The following DNAJC13 variants were observed in gnomAD, a reference collection of about 807,000 sequenced individuals.
DNAJC13 encodes the protein DnaJ heat shock protein family (Hsp40) member C13.
DNAJC13 carries 75 observed loss-of-function variants against 290.5 expected under a neutral mutation model. That is an observed-to-expected ratio of 0.26 (90% CI 0.21 to 0.31). The LOEUF (loss-of-function observed/expected upper bound fraction) is 0.31. Among genes scored for constraint, DNAJC13 ranks in the 10% least tolerant of loss-of-function variants. The probability of loss-of-function intolerance (pLI) is 1.00; values close to 1 mark genes in which losing one functional copy is unlikely to be tolerated. For missense variants in DNAJC13, 2,260 were observed against 2,674.5 expected, an observed-to-expected ratio of 0.85 and a Z score of 3.42; for synonymous variants, 862 against 892.0, an observed-to-expected ratio of 0.97 and a Z score of 0.60.
chr3:132,467,253 A>C lies in DNAJC13; in HGVS notation c.2148A>C (p.Lys716Asn), dbSNP rs1420548530. Residue 716 changes from lysine to asparagine, a missense_variant, in exon 20 of 56, where the codon AAA becomes AAC. Around this residue, in one of 3 missense-constraint regions of DNAJC13, gnomAD observed 762 missense variants for 964.1 expected, o/e 0.79. Coordinates refer to ENST00000260818, the MANE Select transcript of DNAJC13 (RefSeq NM_015268.4). ...CTAAAGAAGTTGAAAAATTTGCCAAAGAAAAAGTGGATCTTGTATTGATGC... is the reference window on the plus strand; with the variant it reads ...CTAAAGAAGTTGAAAAATTTGCCAACGAAAAAGTGGATCTTGTATTGATGC... ...KAAKEVEKFA[K>N]EKVDLVLMHW... 3.7e-6 allele frequency: 6 copies of C among 1,613,974 alleles called. No homozygotes were observed. The highest frequency in any genetic ancestry group is 5.1e-6 in the Non-Finnish European group (6 of 1,179,990).
chr3:132,464,249 A>G (rs1024803014), intron 17 of DNAJC13, among the ~76,000 whole-genome samples: 1 of 152,184 alleles, frequency 6.6e-6, no homozygotes, highest in African/African-American at 2.4e-5. Context: ...AAAACCTTAC[A>G]TATCCAGCCT....
At chr3:132,528,598 C>T (rs1936328300) in intron 54 of DNAJC13, among the ~76,000 whole-genome samples, 1 of 152,210 alleles carries the variant, frequency 6.6e-6, no homozygotes, top group Admixed American at 6.5e-5. Flanking sequence ...AAATCTTTAG[C>T]ATGGAATATG....
At chr3:132,471,288 G>C (rs1300172074) in intron 20 of DNAJC13, among the ~76,000 whole-genome samples, 5 of 143,480 alleles carry the variant, frequency 3.5e-5, no homozygotes, top group African/African-American at 1.3e-4. Context: ...TGGCCGGTCG[G>C]GGGGGCTGAC....
chr3:132,484,712 A>G (rs1311915310), intron 29 of DNAJC13, 40 bp downstream of exon 29: 1 of 1,533,488 alleles, frequency 6.5e-7, no homozygotes. Context: ...TTTAAGAATC[A>G]TTTTCTCTGA....
intron 14 of DNAJC13, 40 bp from the exon 15 acceptor site, chr3:132,461,010 A>G: frequency 6.4e-7 from 1 of 1,574,442 alleles, no homozygotes. Flanking sequence ...GAAGGTCCCC[A>G]TCTCTTAAGT....
chr3:132,474,814 T>TTCTCCC, intron 21 of DNAJC13, 118 bp from the exon 22 acceptor site: 1 of 66,572 alleles, frequency 1.5e-5, no homozygotes, highest in Non-Finnish European at 2.6e-5. Flanking sequence ...TAAAATCTAT[T>TTCTCCC]CCCCCCCCCC....
At position 132,478,011 on chromosome 3, in the gene DNAJC13, C is replaced by A; in HGVS notation, c.2580C>A (p.Arg860=). 6.2e-7 allele frequency: 1 copy of A among 1,610,756 alleles called. No homozygotes were observed. Among genetic ancestry groups the A allele is most frequent in the Non-Finnish European group, 8.5e-7 (1 of 1,179,226 alleles). The change falls in exon 24 of 56, where the codon CGC becomes CGA. Residue 860 remains arginine (R), a synonymous_variant. Transcript: ENST00000260818. Reference sequence around the variant, plus strand: ...AATTTTTCAATGAGCTTTATCATCGCTTCTTGCTCACCCCAAAAGTAAACA... The same window carrying A: ...AATTTTTCAATGAGCTTTATCATCGATTCTTGCTCACCCCAAAAGTAAACA... ...SYEFFNELYH[R]FLLTPKVNMK...
chr3:132,492,273 T>C (rs1430679854), intron 32 of DNAJC13, 141 bp from the exon 33 acceptor site: 3 of 923,926 alleles, frequency 3.2e-6, no homozygotes, highest in Admixed American at 4.7e-5. Context: ...CAAAGTACCA[T>C]ATTTAAAAGC....
chr3:132,455,696 A>C (rs752766069), intron 9 of DNAJC13, among the ~76,000 whole-genome samples: 1 of 152,240 alleles, frequency 6.6e-6, no homozygotes, highest in Non-Finnish European at 1.5e-5. Context: ...ATGAATCTCA[A>C]AAGCCTATGT....
intron 36 of DNAJC13, among the ~76,000 whole-genome samples, chr3:132,497,614 T>C (rs1252289515): frequency 6.6e-6 from 1 of 152,236 alleles, no homozygotes; most frequent in Non-Finnish European, 1.5e-5. Flanking sequence ...ACATTTTAGA[T>C]ATATGGCTTT....
At chr3:132,498,989 TACAGGCATGAGCC>T (rs1205141442) in intron 36 of DNAJC13, 124 bp from the exon 37 acceptor site, 1 of 722,208 alleles carries the variant, frequency 1.4e-6, no homozygotes, top group South Asian at 2.0e-5. Context: ...GTGCTGGGAT[TACAGGCATGAGCC>T]ACCATGCCTG....
chr3:132,431,332 A>G (rs1053836091), intron 1 of DNAJC13, among the ~76,000 whole-genome samples: 5 of 152,156 alleles, frequency 3.3e-5, no homozygotes, highest in South Asian at 2.1e-4. Flanking sequence ...GCTATGGGGG[A>G]AAAACAAGAG....
intron 31 of DNAJC13, among the ~76,000 whole-genome samples, chr3:132,490,532 C>A (rs1373359555): frequency 1.3e-5 from 2 of 152,168 alleles, no homozygotes; most frequent in Non-Finnish European, 2.9e-5. Context: ...CTACAGCCAA[C>A]AATATAATGC....
At chr3:132,472,200 C>T (rs995730016) in intron 20 of DNAJC13, among the ~76,000 whole-genome samples, 5 of 151,872 alleles carry the variant, frequency 3.3e-5, no homozygotes, top group African/African-American at 4.8e-5. Context: ...AGTCCAGCTT[C>T]GGCTCCGCAT....
chr3:132,491,481 G>A lies in DNAJC13; in HGVS notation c.3623+430G>A, dbSNP rs375746377. Among the ~76,000 whole-genome samples the A allele has an allele frequency of 1.8e-4, 28 of 152,058 alleles. No homozygotes were observed. In the South Asian group the frequency reaches 4.8e-3, roughly 26 times the overall value. On this transcript the variant is annotated intron_variant, in intron 32 of 55. Coordinates refer to ENST00000260818, the MANE Select transcript of DNAJC13 (RefSeq NM_015268.4). The stretch of plus-strand genomic sequence containing the variant: ...TCGATGAATCAGAACAGAGATACCC[G>A]AAATTATTCTAGAATGTGGGCTCCC...
intron 27 of DNAJC13, among the ~76,000 whole-genome samples, chr3:132,482,790 T>A (rs1327779501): frequency 6.6e-6 from 1 of 151,648 alleles, no homozygotes; most frequent in African/African-American, 2.4e-5. Flanking sequence ...GTCCAGGAGG[T>A]TGAGACTGCA....
intron 36 of DNAJC13, among the ~76,000 whole-genome samples, chr3:132,498,446 G>A (rs578037919): frequency 3.3e-5 from 5 of 152,114 alleles, no homozygotes; most frequent in South Asian, 4.2e-4. Flanking sequence ...TGTACCTTGC[G>A]TTCTGTGATG....
In DNAJC13 at chr3:132,503,822, C is replaced by T. The variant is rs571423975; in HGVS notation, c.4884+441C>T. On this transcript the variant is annotated intron_variant, in intron 41 of 55. Transcript: ENST00000260818. ...ACATGTATATGTATCTATGTACATA[C>T]ATAGATGCATTACAAAAATCAGTAT... 2.6e-5 allele frequency among the ~76,000 whole-genome samples: 4 copies of T among 152,168 alleles called. No individual in the cohort carries two copies. The South Asian group carries it at 6.2e-4, about 24-fold the overall frequency.
intron 55 of DNAJC13, among the ~76,000 whole-genome samples, chr3:132,534,839 G>A (rs767330303): frequency 2.6e-5 from 4 of 152,182 alleles, no homozygotes; most frequent in African/African-American, 4.8e-5. Flanking sequence ...CATTGCTTGA[G>A]TTGCCAAATG....
Sources: gnomAD v4.1 joint callset for allele counts (sites outside exome capture counted in the v4.1 genomes callset) on GRCh38, gnomAD v4.1.1 for gene constraint, gnomAD v4.1.1 regional missense constraint, MANE v1.5 for transcripts, NCBI Gene and HGNC (gene_info 2026-07-23, HGNC 2026-07-21) for gene names.